TM4SF5: variants seen among roughly 807,000 people sequenced by gnomAD.
The protein encoded by TM4SF5 is transmembrane 4 L6 family member 5.
In TM4SF5, 16 loss-of-function variants were observed where a neutral mutation model predicts 22.3. The observed-to-expected ratio is 0.72, with a 90% CI of 0.49 to 1.09. The LOEUF is 1.09. Ranked by LOEUF, TM4SF5 falls within the 50% of genes least tolerant of loss-of-function variation. The pLI is 0.00. For missense variants in TM4SF5, 249 were observed against 266.1 expected, an observed-to-expected ratio of 0.94 and a Z score of 0.45; for synonymous variants, 113 against 109.6, an observed-to-expected ratio of 1.03 and a Z score of -0.19.
chr17:4,772,944 G>A (rs1031276744), intron 1 of TM4SF5, among the ~76,000 whole-genome samples: 3 of 151,746 alleles, frequency 2.0e-5, no homozygotes, highest in Non-Finnish European at 2.9e-5. Flanking sequence ...TCGCTCTGTC[G>A]CCCAGGCTGG....
At chr17:4,776,593 T>C (rs926674985) in intron 1 of TM4SF5, among the ~76,000 whole-genome samples, 16 of 152,216 alleles carry the variant, frequency 1.1e-4, no homozygotes, top group African/African-American at 3.6e-4. Flanking sequence ...TAAGCCACTG[T>C]GCCCGGCCCA....
At chr17:4,782,817 C>T (rs926088887) in intron 3 of TM4SF5, 37 bp from the exon 4 acceptor site, 7 of 1,593,346 alleles carry the variant, frequency 4.4e-6, no homozygotes, top group East Asian at 4.5e-5. Flanking sequence ...CGCACGCGCA[C>T]GCTGCCTTCT....
At chr17:4,777,083 G>A (rs1210274583) in intron 1 of TM4SF5, among the ~76,000 whole-genome samples, 1 of 151,652 alleles carries the variant, frequency 6.6e-6, no homozygotes. Flanking sequence ...TGTAATCCCA[G>A]CTACTCGGAA....
rs746987856 is a variant in TM4SF5 at position 4,782,546 on chromosome 17, C to T, written c.302C>T (p.Ala101Val). The change falls in exon 3 of 5, where the codon GCC becomes GTC. Residue 101 changes from alanine to valine, a missense_variant. Transcript: ENST00000270560. ...TCCTCGGCGTTCGGGGTGCTTGGTG[C>T]CATCTACTGCCTCTCGGTGTCTGGA... ...VFSSAFGVLG[A>V]IYCLSVSGAG... The T allele has an allele frequency of 1.2e-6, 2 of 1,614,090 alleles. No homozygotes were observed. The highest frequency in any genetic ancestry group is 1.3e-5 in the African/African-American group (1 of 75,008).
chr17:4,772,711 G>GT (rs1339883711), intron 1 of TM4SF5, among the ~76,000 whole-genome samples: 44 of 141,316 alleles, frequency 3.1e-4, no homozygotes, highest in African/African-American at 1.1e-3. Context: ...TTTTGTGTTT[G>GT]TTTTTTGTTT....
At chr17:4,777,970 C>T (rs1457799905) in intron 1 of TM4SF5, among the ~76,000 whole-genome samples, 1 of 152,132 alleles carries the variant, frequency 6.6e-6, no homozygotes, top group East Asian at 1.9e-4. Context: ...CACTTGAGCC[C>T]AGGAGGTCGA....
At chr17:4,778,549 G>C (rs1166482278) in intron 1 of TM4SF5, among the ~76,000 whole-genome samples, 1 of 152,164 alleles carries the variant, frequency 6.6e-6, no homozygotes, top group East Asian at 1.9e-4. Flanking sequence ...TGAGGATGCA[G>C]TGAGCCATGA....
rs908318393 is a variant in TM4SF5 at position 4,780,889 on chromosome 17, G to A, written c.258+20G>A. On this transcript the variant is annotated intron_variant, in intron 2 of 4. Transcript: ENST00000270560. ...TGCAGGGTAAGATCCAGATTAAGAA[G>A]GAATTCAGGGCTGGGGGTGGTGTCT... The A allele has an allele frequency of 6.2e-7, 1 of 1,607,590 alleles. No individual in the cohort carries two copies. Among genetic ancestry groups the A allele is most frequent in the Non-Finnish European group, 8.5e-7 (1 of 1,175,814 alleles).
At chr17:4,780,708 C>T (rs1917286372) in intron 1 of TM4SF5, 81 bp from the exon 2 acceptor site, 1 of 1,169,500 alleles carries the variant, frequency 8.6e-7, no homozygotes, top group Admixed American at 2.3e-5. Flanking sequence ...CAGGCAGCTT[C>T]CTGAAGGAGG....
intron 2 of TM4SF5, among the ~76,000 whole-genome samples, chr17:4,782,036 T>C (rs1313470316): frequency 6.6e-6 from 1 of 151,170 alleles, no homozygotes; most frequent in Non-Finnish European, 1.5e-5. Flanking sequence ...AGGAATTCCA[T>C]AGAGAGTGCT....
rs2286673 is a variant in TM4SF5 at position 4,782,808 on chromosome 17, G to T, written c.396-46G>T. 752 of 1,585,184 alleles carry T rather than the reference G, an allele frequency of 4.7e-4. 8 individuals are homozygous for T. In the East Asian group the frequency reaches 0.013, roughly 26 times the overall value. ...GACGTATTCTTGGGGGCGGGGTGGC[G>T]CACGCGCACGCTGCCTTCTCCCACG... On this transcript the variant is annotated intron_variant, in intron 3 of 4. Coordinates refer to ENST00000270560, the MANE Select transcript of TM4SF5 (RefSeq NM_003963.3).
At chr17:4,781,161 GAA>G (rs1442727170) in intron 2 of TM4SF5, among the ~76,000 whole-genome samples, 1 of 125,936 alleles carries the variant, frequency 7.9e-6, no homozygotes, top group African/African-American at 3.0e-5. Flanking sequence ...AAAAAAAAAA[GAA>G]GAGAAAAGAT....
At chr17:4,773,201 G>C (rs985970452) in intron 1 of TM4SF5, among the ~76,000 whole-genome samples, 3 of 151,820 alleles carry the variant, frequency 2.0e-5, no homozygotes, top group African/African-American at 7.3e-5. Flanking sequence ...CACCGCCCCA[G>C]CTTACATTTT....
chr17:4,781,643 A>G (rs1322163914), intron 2 of TM4SF5, among the ~76,000 whole-genome samples: 1 of 151,066 alleles, frequency 6.6e-6, no homozygotes, highest in Non-Finnish European at 1.5e-5. Flanking sequence ...CAGCCTCCCA[A>G]GTAGCTGGGA....
intron 1 of TM4SF5, 58 bp from the exon 2 acceptor site, chr17:4,780,731 C>T (rs1307220187): frequency 1.4e-6 from 2 of 1,448,654 alleles, no homozygotes; most frequent in Admixed American, 1.9e-5. Context: ...GGCACTGATG[C>T]AAGTCAGGCC....
At chr17:4,782,246 T>C (rs1041782042) in intron 2 of TM4SF5, among the ~76,000 whole-genome samples, 1 of 151,890 alleles carries the variant, frequency 6.6e-6, no homozygotes, top group African/African-American at 2.4e-5. Flanking sequence ...ACCCGGCTAA[T>C]TTTTGTATTT....
intron 1 of TM4SF5, among the ~76,000 whole-genome samples, chr17:4,775,328 G>A (rs748526543): frequency 1.1e-3 from 167 of 151,142 alleles, no homozygotes; most frequent in Non-Finnish European, 1.7e-3. Context: ...GTGCGATCTC[G>A]GTTCACTACA....
At chr17:4,773,332 C>T (rs942349704) in intron 1 of TM4SF5, among the ~76,000 whole-genome samples, 1 of 152,118 alleles carries the variant, frequency 6.6e-6, no homozygotes, top group African/African-American at 2.4e-5. Flanking sequence ...CACGCCTGGC[C>T]AAGACTAGGA....
intron 1 of TM4SF5, among the ~76,000 whole-genome samples, chr17:4,776,938 G>A (rs1471400778): frequency 6.6e-6 from 1 of 152,130 alleles, no homozygotes; most frequent in African/African-American, 2.4e-5. Context: ...GGGGCCTCAA[G>A]CCTGTAATCC....
Sources: allele counts gnomAD v4.1 joint callset (sites outside exome capture counted in the v4.1 genomes callset), GRCh38; gene constraint gnomAD v4.1.1; transcripts MANE v1.5; gene names NCBI Gene and HGNC (gene_info 2026-07-23, HGNC 2026-07-21).